The following TNFAIP8L3 variants were observed in gnomAD, a reference collection of about 807,000 sequenced individuals.
TNFAIP8L3 encodes the protein tumor necrosis factor alpha-induced protein 8-like protein 3.
In TNFAIP8L3, 7 loss-of-function variants were observed where a neutral mutation model predicts 11.8. The ratio of observed to expected loss-of-function variants is 0.59; its 90% CI spans 0.34 to 1.11. TNFAIP8L3 has a LOEUF of 1.11. Among genes scored for constraint, TNFAIP8L3 ranks in the 50% most tolerant of loss-of-function variants. TNFAIP8L3 has a pLI of 0.03. For synonymous variants in TNFAIP8L3, 98 were observed against 103.8 expected (o/e 0.94, Z 0.34); for missense variants, 219 against 258.6 (o/e 0.85, Z 1.05).
At chr15:51,102,468 C>T (rs1255318091) in intron 1 of TNFAIP8L3, among the ~76,000 whole-genome samples, 1 of 152,188 alleles carries the variant, frequency 6.6e-6, no homozygotes, top group Non-Finnish European at 1.5e-5. Flanking sequence ...TTCCTCCCTT[C>T]AAAGCATTTT....
upstream of TNFAIP8L3, among the ~76,000 whole-genome samples, chr15:51,097,434 T>A (rs1361675433): frequency 6.6e-6 from 1 of 152,186 alleles, no homozygotes; most frequent in Non-Finnish European, 1.5e-5. Flanking sequence ...CTGGTCAAGG[T>A]ATCCTGAAAA....
chr15:51,074,363 T>C (rs1236844392), intron 1 of TNFAIP8L3, among the ~76,000 whole-genome samples: 1 of 152,244 alleles, frequency 6.6e-6, no homozygotes, highest in East Asian at 1.9e-4. Flanking sequence ...TCTCTACTGG[T>C]CCCCTCTTGG....
At chr15:51,101,776 C>T (rs1198450317) in intron 1 of TNFAIP8L3, among the ~76,000 whole-genome samples, 1 of 151,024 alleles carries the variant, frequency 6.6e-6, no homozygotes, top group Non-Finnish European at 1.5e-5. Context: ...GAAACCCCAT[C>T]TCTACTGAAG....
At chr15:51,096,891 C>CA (rs56057102), upstream of TNFAIP8L3, among the ~76,000 whole-genome samples, 3,800 of 98,022 alleles carry the variant, frequency 0.039, 80 homozygotes, top group Non-Finnish European at 0.043. Context: ...CACGCTGTCT[C>CA]AAAAAAAAAA....
chr15:51,095,903 C>T (rs1212054784), upstream of TNFAIP8L3, among the ~76,000 whole-genome samples: 2 of 152,160 alleles, frequency 1.3e-5, no homozygotes, highest in Non-Finnish European at 2.9e-5. Context: ...TGCTAAAAAG[C>T]GCCACTTACT....
chr15:51,103,817 G>A (rs1226429773), intron 1 of TNFAIP8L3, among the ~76,000 whole-genome samples: 2 of 152,132 alleles, frequency 1.3e-5, no homozygotes, highest in Non-Finnish European at 2.9e-5. Flanking sequence ...GATGAAATTC[G>A]TAAGTCCAAG....
chr15:51,100,789 T>C (rs1157770524), intron 1 of TNFAIP8L3, among the ~76,000 whole-genome samples: 1 of 151,340 alleles, frequency 6.6e-6, no homozygotes, highest in Non-Finnish European at 1.5e-5. Flanking sequence ...AAACAAGGCA[T>C]GACTGGATGG....
rs2065215688 is a variant in TNFAIP8L3 at position 51,057,800 on chromosome 15, G to C, written c.*81C>G. 2 of 1,233,696 alleles carry C rather than the reference G, an allele frequency of 1.6e-6. No individual in the cohort carries two copies. The highest frequency in any genetic ancestry group is 1.1e-6 in the Non-Finnish European group (1 of 882,496). The allele number at this position is 1,233,696 out of a possible 1,614,324, so 76.4% of individuals were successfully genotyped here. On this transcript the variant is annotated 3_prime_UTR_variant, in exon 2 of 2. Coordinates refer to ENST00000637513, the MANE Select transcript of TNFAIP8L3 (RefSeq NM_001311175.2). ...ATGGACATCTTTGACAAGGGTTTCT[G>C]CTTATGTTCTTGATTCTCACCCAGA...
intron 1 of TNFAIP8L3, among the ~76,000 whole-genome samples, chr15:51,081,077 T>C (rs2065388475): frequency 6.6e-6 from 1 of 152,202 alleles, no homozygotes; most frequent in South Asian, 2.1e-4. Context: ...GCTTCGTGAC[T>C]TAACTCCAGG....
upstream of TNFAIP8L3, among the ~76,000 whole-genome samples, chr15:51,096,628 A>G (rs954580827): frequency 1.3e-5 from 2 of 152,196 alleles, no homozygotes; most frequent in African/African-American, 4.8e-5. Flanking sequence ...ACGGTGGCTC[A>G]CGCCTGTAAT....
At chr15:51,081,012 A>C (rs2065387917) in intron 1 of TNFAIP8L3, among the ~76,000 whole-genome samples, 2 of 152,266 alleles carry the variant, frequency 1.3e-5, no homozygotes, top group African/African-American at 4.8e-5. Flanking sequence ...TTAGAAAACT[A>C]GTATACATTG....
rs556005631 is a variant in TNFAIP8L3, at chr15:51,093,755, C to A, written c.52+789G>T. Among the ~76,000 whole-genome samples, 10 of 152,272 alleles carry A rather than the reference C, an allele frequency of 6.6e-5. No homozygotes were observed. In the South Asian group the frequency reaches 1.7e-3, roughly 25 times the overall value. On this transcript the variant is annotated intron_variant, in intron 1 of 1. Coordinates refer to ENST00000637513, the MANE Select transcript of TNFAIP8L3 (RefSeq NM_001311175.2). ...GGCGGAGCGGACCGGTGGAGGTGGG[C>A]AGAGACCGGCGGCAAGTCGACCCAC... is the stretch of plus-strand genomic sequence containing the variant.
intron 1 of TNFAIP8L3, among the ~76,000 whole-genome samples, chr15:51,071,074 G>A (rs771168059): frequency 0.012 from 1,224 of 104,560 alleles, no homozygotes; most frequent in East Asian, 0.023. Context: ...AAAAAAAAAA[G>A]AATTAATTTT....
chr15:51,060,425 T>C (rs2065234962), intron 1 of TNFAIP8L3, among the ~76,000 whole-genome samples: 1 of 152,182 alleles, frequency 6.6e-6, no homozygotes, highest in Non-Finnish European at 1.5e-5. Context: ...GATGGATCCA[T>C]TCTAGAATAT....
chr15:51,104,411 A>G (rs888310053), intron 1 of TNFAIP8L3, among the ~76,000 whole-genome samples: 104 of 152,168 alleles, frequency 6.8e-4, no homozygotes. Context: ...CACTCACAGG[A>G]GAGTCCTGAA....
At chr15:51,087,579 C>T (rs1201615372) in intron 1 of TNFAIP8L3, among the ~76,000 whole-genome samples, 1 of 152,078 alleles carries the variant, frequency 6.6e-6, no homozygotes, top group Non-Finnish European at 1.5e-5. Context: ...TGAAACACAA[C>T]CTAGAAGCCA....
chr15:51,085,057 T>G (rs777259991), intron 1 of TNFAIP8L3, among the ~76,000 whole-genome samples: 36 of 152,316 alleles, frequency 2.4e-4, no homozygotes, highest in Admixed American at 6.5e-4. Context: ...CAGATACTGC[T>G]GTGGGCTCTC....
chr15:51,063,639 A>G (rs1024173261), intron 1 of TNFAIP8L3, among the ~76,000 whole-genome samples: 3 of 152,306 alleles, frequency 2.0e-5, no homozygotes, highest in East Asian at 1.9e-4. Context: ...TTTCTCTGCA[A>G]TTATTGAGCA....
intron 1 of TNFAIP8L3, among the ~76,000 whole-genome samples, chr15:51,071,091 A>G (rs1289491417): frequency 6.7e-6 from 1 of 150,230 alleles, no homozygotes; most frequent in African/African-American, 2.4e-5. Context: ...TTTTCTAAAA[A>G]CCACCAAGTG....
Sources: allele counts gnomAD v4.1 joint callset (sites outside exome capture counted in the v4.1 genomes callset), GRCh38; gene constraint gnomAD v4.1.1; transcripts MANE v1.5; gene names NCBI Gene and HGNC (gene_info 2026-07-23, HGNC 2026-07-21).